CNTNAP5: variants seen among roughly 807,000 people sequenced by gnomAD.
The protein encoded by CNTNAP5 is contactin-associated protein-like 5.
In CNTNAP5, 72 loss-of-function variants were observed where a neutral mutation model predicts 150.2. The observed-to-expected ratio is 0.48, with a 90% CI of 0.40 to 0.58. The LOEUF (loss-of-function observed/expected upper bound fraction) is 0.58. Ranked by LOEUF, CNTNAP5 falls within the 20% of genes least tolerant of loss-of-function variation. CNTNAP5 has a pLI of 0.00. For synonymous variants in CNTNAP5, 672 were observed against 619.8 expected, an observed-to-expected ratio of 1.08 and a Z score of -1.25; for missense variants, 1,636 against 1,626.2, an observed-to-expected ratio of 1.01 and a Z score of -0.10.
intron 1 of CNTNAP5, among the ~76,000 whole-genome samples, chr2:124,100,533 G>A (rs1683039593): frequency 6.6e-6 from 1 of 151,954 alleles, no homozygotes; most frequent in African/African-American, 2.4e-5. Flanking sequence ...TTTTTTTCTA[G>A]GTCTGTATTC....
intron 3 of CNTNAP5, among the ~76,000 whole-genome samples, chr2:124,401,069 G>A (rs909859204): frequency 2.6e-5 from 4 of 152,216 alleles, no homozygotes. Flanking sequence ...GTTTCACTAT[G>A]TTGGCCAGGC....
intron 11 of CNTNAP5, among the ~76,000 whole-genome samples, chr2:124,575,797 A>C (rs1696270032): frequency 6.6e-6 from 1 of 152,208 alleles, no homozygotes; most frequent in Non-Finnish European, 1.5e-5. Flanking sequence ...CTTGCAAAAT[A>C]GGTATTGAGA....
chr2:124,860,316 C>G (rs1482708963), intron 19 of CNTNAP5, among the ~76,000 whole-genome samples: 5 of 151,844 alleles, frequency 3.3e-5, no homozygotes. Context: ...TGCCATTGCA[C>G]TCCAGTCTGG....
At chr2:124,864,807 A>G (rs1558805532) in intron 19 of CNTNAP5, among the ~76,000 whole-genome samples, 1 of 152,150 alleles carries the variant, frequency 6.6e-6, no homozygotes, top group Non-Finnish European at 1.5e-5. Context: ...AATGGACCCT[A>G]AAGGGTTAAA....
At chr2:124,592,199 T>TC (rs1337760142) in intron 11 of CNTNAP5, among the ~76,000 whole-genome samples, 1 of 152,118 alleles carries the variant, frequency 6.6e-6, no homozygotes, top group Admixed American at 6.6e-5. Flanking sequence ...ACATCTTTTT[T>TC]CCCCCATTTT....
chr2:124,690,582 C>T (rs1016495105), intron 13 of CNTNAP5, among the ~76,000 whole-genome samples: 1 of 152,144 alleles, frequency 6.6e-6, no homozygotes, highest in South Asian at 2.1e-4. Context: ...ACTCAAGGCC[C>T]TCTGTGACCC....
chr2:124,420,407 A>G (rs1053562981), intron 4 of CNTNAP5, among the ~76,000 whole-genome samples: 2 of 152,148 alleles, frequency 1.3e-5, no homozygotes, highest in Admixed American at 6.5e-5. Flanking sequence ...TCCTGTTCAC[A>G]GAATGGCTTC....
chr2:124,728,017 A>G (rs1680196887), intron 13 of CNTNAP5, among the ~76,000 whole-genome samples: 1 of 152,008 alleles, frequency 6.6e-6, no homozygotes, highest in South Asian at 2.1e-4. Flanking sequence ...TCATGAAGCA[A>G]TGTTGAATTT....
intron 13 of CNTNAP5, among the ~76,000 whole-genome samples, chr2:124,655,945 G>GAGAGAGAAAGAAAGAAAGAAAGAA (rs1553427800): frequency 3.6e-5 from 2 of 55,518 alleles, no homozygotes; most frequent in Admixed American, 2.4e-4. Flanking sequence ...GAGAGAGAGA[G>GAGAGAGAAAGAAAGAAAGAAAGAA]AGAAAGAAAG....
intron 1 of CNTNAP5, among the ~76,000 whole-genome samples, chr2:124,080,252 G>C (rs1682529917): frequency 6.6e-6 from 1 of 152,028 alleles, no homozygotes; most frequent in South Asian, 2.1e-4. Flanking sequence ...AAACAATGCA[G>C]GTCTTAGGAA....
intron 1 of CNTNAP5, among the ~76,000 whole-genome samples, chr2:124,082,686 C>T (rs1200931874): frequency 6.6e-6 from 1 of 152,194 alleles, no homozygotes; most frequent in Non-Finnish European, 1.5e-5. Context: ...AATTGTTGGG[C>T]CATATGGCAG....
chr2:124,162,193 C>A (rs1684696315), intron 1 of CNTNAP5, among the ~76,000 whole-genome samples: 1 of 152,032 alleles, frequency 6.6e-6, no homozygotes, highest in Admixed American at 6.6e-5. Flanking sequence ...CCAAGCCTGG[C>A]ACATAATAAG....
intron 19 of CNTNAP5, among the ~76,000 whole-genome samples, chr2:124,844,339 T>G (rs1683003496): frequency 6.6e-6 from 1 of 152,170 alleles, no homozygotes; most frequent in African/African-American, 2.4e-5. Context: ...TGGCTTTATT[T>G]CCAGGTTCTC....
chr2:124,616,740 C>T (rs988872396), intron 12 of CNTNAP5, among the ~76,000 whole-genome samples: 1 of 152,174 alleles, frequency 6.6e-6, no homozygotes, highest in African/African-American at 2.4e-5. Flanking sequence ...CTTCCTTTCA[C>T]TTGAATTCTT....
At chr2:124,038,339 T>C (rs1207082599) in intron 1 of CNTNAP5, among the ~76,000 whole-genome samples, 1 of 152,200 alleles carries the variant, frequency 6.6e-6, no homozygotes, top group East Asian at 1.9e-4. Flanking sequence ...TTGTGAGGCC[T>C]GTCTTTGGGT....
intron 11 of CNTNAP5, among the ~76,000 whole-genome samples, chr2:124,572,965 C>T (rs1696200684): frequency 6.6e-6 from 1 of 152,182 alleles, no homozygotes; most frequent in Admixed American, 6.5e-5. Context: ...TCCTTGCAAA[C>T]TGCCACTTTT....
At chr2:124,317,337 T>C (rs1275298539) in intron 3 of CNTNAP5, among the ~76,000 whole-genome samples, 2 of 152,140 alleles carry the variant, frequency 1.3e-5, no homozygotes, top group Non-Finnish European at 2.9e-5. Context: ...ATACAAAAAC[T>C]AAAGCATGCA....
intron 1 of CNTNAP5, among the ~76,000 whole-genome samples, chr2:124,155,851 G>C (rs1430363421): frequency 6.6e-6 from 1 of 152,184 alleles, no homozygotes; most frequent in African/African-American, 2.4e-5. Context: ...CTGCATCTGT[G>C]ATACTTCAGG....
chr2:124,889,002 A>T (rs1220496398), intron 21 of CNTNAP5, among the ~76,000 whole-genome samples: 2 of 150,820 alleles, frequency 1.3e-5, no homozygotes, highest in Admixed American at 6.6e-5. Context: ...ATGTGGTCAT[A>T]AATTATTTGT....
Sources: gnomAD v4.1 joint callset for allele counts (sites outside exome capture counted in the v4.1 genomes callset) on GRCh38, gnomAD v4.1.1 for gene constraint, MANE v1.5 for transcripts, NCBI Gene and HGNC (gene_info 2026-07-23, HGNC 2026-07-21) for gene names.